CNTN3: variants seen among roughly 807,000 people sequenced by gnomAD.
The protein encoded by CNTN3 is contactin-3.
Under a neutral mutation model 119.1 loss-of-function variants are expected in CNTN3, and 60 were observed. The observed-to-expected ratio is 0.50, with a 90% CI of 0.41 to 0.62. The LOEUF (loss-of-function observed/expected upper bound fraction) is 0.62. Ranked by LOEUF, CNTN3 falls within the 20% of genes least tolerant of loss-of-function variation. CNTN3 has a pLI of 0.00. For missense variants in CNTN3, 1,101 were observed against 1,242.4 expected, an observed-to-expected ratio of 0.89 and a Z score of 1.71; for synonymous variants, 450 against 438.7, an observed-to-expected ratio of 1.03 and a Z score of -0.32.
chr3:74,556,292 A>G (rs1385129567), intron 1 of CNTN3, among the ~76,000 whole-genome samples: 1 of 152,172 alleles, frequency 6.6e-6, no homozygotes, highest in Non-Finnish European at 1.5e-5. Context: ...TGTACTCTGT[A>G]GCAGGCTCCC....
At chr3:74,366,786 A>G (rs1433773560) in intron 8 of CNTN3, among the ~76,000 whole-genome samples, 12 of 124,238 alleles carry the variant, frequency 9.7e-5, no homozygotes, top group South Asian at 2.8e-4. Context: ...GTGTGTATAT[A>G]TATATATATA....
chr3:74,568,589 A>G (rs1704261760), intron 1 of CNTN3, among the ~76,000 whole-genome samples: 1 of 152,212 alleles, frequency 6.6e-6, no homozygotes, highest in African/African-American at 2.4e-5. Context: ...CGGAGGAGAC[A>G]TAAAGCTAAA....
rs1300404597 is a variant in CNTN3 at position 74,492,139 on chromosome 3, TCAAA to T, written c.183-5512_183-5509del. Among the ~76,000 whole-genome samples, 5 of 152,202 alleles carry T rather than the reference TCAAA, an allele frequency of 3.3e-5. No individual in the cohort carries two copies. In the East Asian group the frequency reaches 7.7e-4, roughly 23 times the overall value. ...CAAGTTCAGTGTCAGCCTTCAGTGT[TCAAA>T]CACTCATTTTACACAAATTAGAATC... On this transcript the variant is annotated intron_variant, in intron 3 of 22. Transcript: ENST00000263665.
At position 74,306,214 on chromosome 3, in the gene CNTN3, CA is replaced by C. The variant is rs79818182; in HGVS notation, c.1669-3408del. Among the ~76,000 whole-genome samples, 403 of 84,164 alleles carry C rather than the reference CA, an allele frequency of 4.8e-3. 2 individuals carry two copies. Among genetic ancestry groups the C allele is most frequent in the African/African-American group, 0.014 (316 of 22,972 alleles). 55.2% of individuals were successfully genotyped at this position (84,164 alleles called of 152,430 possible). A position where few individuals can be genotyped will look rare whatever the true frequency, so the allele number is the denominator to read the frequency against. ...ATAAAGGATGTGAGAGAGAAATGTC[CA>C]AAAAAAAAAAAAAAAGAAACTCGGT... On this transcript the variant is annotated intron_variant, in intron 13 of 22. Transcript: ENST00000263665.
At chr3:74,499,635 GA>G in intron 3 of CNTN3, 23 bp downstream of exon 3, 1 of 1,571,170 alleles carries the variant, frequency 6.4e-7, no homozygotes, top group South Asian at 1.2e-5. Context: ...TTTTTTATTT[GA>G]ATTTTCAAAC....
chr3:74,506,818 G>T (rs1233414844), intron 2 of CNTN3, among the ~76,000 whole-genome samples: 5 of 151,136 alleles, frequency 3.3e-5, no homozygotes, highest in African/African-American at 4.9e-5. Context: ...AATTCACAAG[G>T]TTCTCACTCA....
rs1057113833 is a variant in CNTN3 at position 74,379,707 on chromosome 3, T to C, written c.455-8308A>G. On this transcript the variant is annotated intron_variant, in intron 5 of 22. Transcript: ENST00000263665. Reference sequence around the variant, plus strand: ...GGACTGACTACCCTTCACTCCTTGCTCCAAAGACATCTCAAGATGAAGAAG... The same window carrying C: ...GGACTGACTACCCTTCACTCCTTGCCCCAAAGACATCTCAAGATGAAGAAG... Among the ~76,000 whole-genome samples the C allele has an allele frequency of 3.6e-4, 55 of 152,150 alleles. 1 individual carries two copies. Among genetic ancestry groups the C allele is most frequent in the Non-Finnish European group, 1.0e-4 (7 of 68,044 alleles).
chr3:74,561,258 T>G (rs887784142), intron 1 of CNTN3, among the ~76,000 whole-genome samples: 6 of 151,956 alleles, frequency 3.9e-5, no homozygotes, highest in African/African-American at 1.2e-4. Flanking sequence ...ATTCCTGCCA[T>G]CCTCCTTGCT....
chr3:74,486,355 A>T (rs567529984), intron 4 of CNTN3, 101 bp downstream of exon 4: 2 of 1,045,606 alleles, frequency 1.9e-6, no homozygotes, highest in Admixed American at 2.6e-5. Context: ...TTACTGAATT[A>T]ATAAAACCCA....
intron 19 of CNTN3, among the ~76,000 whole-genome samples, chr3:74,291,855 G>A (rs1167291494): frequency 6.6e-6 from 1 of 152,072 alleles, no homozygotes; most frequent in Non-Finnish European, 1.5e-5. Context: ...GCCATGTTTG[G>A]TGAGTGAGAA....
intron 5 of CNTN3, among the ~76,000 whole-genome samples, chr3:74,379,097 G>A (rs1434025501): frequency 4.6e-5 from 7 of 152,178 alleles, no homozygotes; most frequent in Admixed American, 4.6e-4. Flanking sequence ...ACTGACACCA[G>A]TGGGTACTAG....
chr3:74,289,175 G>A (rs966862306), intron 19 of CNTN3, among the ~76,000 whole-genome samples: 3 of 152,114 alleles, frequency 2.0e-5, no homozygotes, highest in Non-Finnish European at 4.4e-5. Flanking sequence ...CTGAAACTAA[G>A]AAAAGACATA....
At chr3:74,288,158 T>C (rs1264705512) in intron 19 of CNTN3, among the ~76,000 whole-genome samples, 86 of 122,884 alleles carry the variant, frequency 7.0e-4, no homozygotes, top group South Asian at 9.6e-4. Flanking sequence ...TCTTTTCTTT[T>C]CTTTTTTTTT....
chr3:74,505,031 T>C (rs913580223), intron 2 of CNTN3, among the ~76,000 whole-genome samples: 1 of 152,084 alleles, frequency 6.6e-6, no homozygotes, highest in African/African-American at 2.4e-5. Flanking sequence ...GGCTTGTAGA[T>C]GGCTATCTTC....
At chr3:74,511,901 C>A (rs1703371178) in intron 2 of CNTN3, among the ~76,000 whole-genome samples, 1 of 151,956 alleles carries the variant, frequency 6.6e-6, no homozygotes, top group African/African-American at 2.4e-5. Flanking sequence ...TCTGCTGACC[C>A]CAGCTTTAGG....
At chr3:74,462,685 C>A (rs1358893489) in intron 4 of CNTN3, among the ~76,000 whole-genome samples, 2 of 152,080 alleles carry the variant, frequency 1.3e-5, no homozygotes, top group Admixed American at 6.6e-5. Flanking sequence ...CTGTTGTCCT[C>A]TATTGATATT....
chr3:74,319,302 T>C (rs895956953), intron 13 of CNTN3, among the ~76,000 whole-genome samples: 10 of 152,146 alleles, frequency 6.6e-5, no homozygotes, highest in Admixed American at 2.0e-4. Context: ...AGCATGCTAC[T>C]GGTACCAAAA....
chr3:74,414,564 C>T (rs558735186), intron 5 of CNTN3, among the ~76,000 whole-genome samples: 1 of 152,192 alleles, frequency 6.6e-6, no homozygotes, highest in South Asian at 2.1e-4. Flanking sequence ...AAGACCCCAC[C>T]CTATGGGGTC....
intron 11 of CNTN3, among the ~76,000 whole-genome samples, chr3:74,344,826 C>G (rs555696883): frequency 6.6e-6 from 1 of 151,832 alleles, no homozygotes; most frequent in African/African-American, 2.4e-5. Flanking sequence ...TCTGGGAAAT[C>G]TCTCTGTAGA....
Sources: gnomAD v4.1 joint callset for allele counts (sites outside exome capture counted in the v4.1 genomes callset) on GRCh38, gnomAD v4.1.1 for gene constraint, MANE v1.5 for transcripts, NCBI Gene and HGNC (gene_info 2026-07-23, HGNC 2026-07-21) for gene names.